RASA3: variants seen among roughly 807,000 people sequenced by gnomAD.
The protein encoded by RASA3 is RAS p21 protein activator 3.
RASA3 carries 73 observed loss-of-function variants against 110.0 expected under a neutral mutation model. That is an observed-to-expected ratio of 0.66 (90% CI 0.55 to 0.81). The LOEUF is 0.81. Among genes scored for constraint, RASA3 ranks in the 30% least tolerant of loss-of-function variants. The pLI, the probability that RASA3 is intolerant of heterozygous loss-of-function variation, is 0.00. For synonymous variants in RASA3, 500 were observed against 451.4 expected, an observed-to-expected ratio of 1.11 and a Z score of -1.37; for missense variants, 976 against 1,113.2, an observed-to-expected ratio of 0.88 and a Z score of 1.75.
Position 114,027,448 on chromosome 13 carries a change from T to C in RASA3, c.544A>G (p.Lys182Glu). 6.2e-7 allele frequency: 1 copy of C among 1,612,336 alleles called. No individual in the cohort carries two copies. The highest frequency in any genetic ancestry group is 1.1e-5 in the South Asian group (1 of 91,024). The change falls in exon 7 of 24, where the codon AAG becomes GAG. Residue 182 changes from lysine (K) to glutamate (E), a missense_variant. Transcript: ENST00000334062. ...LAGPFRSEAK[K>E]TKVKRKTNNP... Reference sequence around the variant, plus strand: ...TTGGTCTTCCTCTTCACTTTCGTCTTCTTTGCTTCTGATCTGTTATCAAGT... The same window carrying C: ...TTGGTCTTCCTCTTCACTTTCGTCTCCTTTGCTTCTGATCTGTTATCAAGT...
At chr13:113,981,413 AAGC>A (rs1464457017) in intron 23 of RASA3, among the ~76,000 whole-genome samples, 1 of 152,168 alleles carries the variant, frequency 6.6e-6, no homozygotes. Flanking sequence ...GGCTGGGAGG[AAGC>A]AGGTCAGGGA....
At chr13:114,027,280 G>T in intron 7 of RASA3, 109 bp downstream of exon 7, 1 of 1,017,408 alleles carries the variant, frequency 9.8e-7, no homozygotes, top group Non-Finnish European at 1.5e-6. Flanking sequence ...CTCCTCTCCG[G>T]AAGGAACTTC....
chr13:114,103,221 C>T (rs546484084), intron 1 of RASA3, among the ~76,000 whole-genome samples: 6 of 152,286 alleles, frequency 3.9e-5, no homozygotes, highest in African/African-American at 9.6e-5. Flanking sequence ...TGTGCACATT[C>T]GCCCTACCCC....
intron 1 of RASA3, among the ~76,000 whole-genome samples, chr13:114,131,639 G>A (rs1311517509): frequency 6.6e-6 from 1 of 152,228 alleles, no homozygotes; most frequent in Non-Finnish European, 1.5e-5. Flanking sequence ...CAGTGGAAAG[G>A]GACGTGGTGC....
At chr13:113,991,064 A>T (rs35985192) in intron 22 of RASA3, among the ~76,000 whole-genome samples, 1 of 61,966 alleles carries the variant, frequency 1.6e-5, no homozygotes, top group African/African-American at 1.1e-4. Flanking sequence ...CACCCAGGGC[A>T]TGTGGGGCTG....
rs544129523 is a variant in RASA3 at position 114,043,837 on chromosome 13, G to GCCCCCCCGCCCCGCCTCACTCGCTGAGCC, written c.278-2744_278-2743insGGCTCAGCGAGTGAGGCGGGGCGGGGGGG. ...CCGCCTGGCCCACCTCACTCGCTGA[G>GCCCCCCCGCCCCGCCTCACTCGCTGAGCC]CCCCCCGCCCCGCCTCACTCGCTGA... is the stretch of plus-strand genomic sequence containing the variant. On this transcript the variant is annotated intron_variant, in intron 3 of 23. Transcript: ENST00000334062. Among the ~76,000 whole-genome samples the GCCCCCCCGCCCCGCCTCACTCGCTGAGCC allele has an allele frequency of 2.8e-3, 63 of 22,832 alleles. 14 individuals are homozygous for GCCCCCCCGCCCCGCCTCACTCGCTGAGCC. The highest frequency in any genetic ancestry group is 0.015 in the African/African-American group (44 of 2,910). The allele number at this position is 22,832 out of a possible 152,430, so 15.0% of individuals were successfully genotyped here. A position where few individuals can be genotyped will look rare whatever the true frequency, so the allele number is the denominator to read the frequency against.
At position 114,021,467 on chromosome 13, in the gene RASA3, T is replaced by TC; in HGVS notation, c.721dup (p.Glu241GlyfsTer32). 1 of 1,613,980 alleles carries TC rather than the reference T, an allele frequency of 6.2e-7. No homozygotes were observed. Among genetic ancestry groups the TC allele is most frequent in the Non-Finnish European group, 8.5e-7 (1 of 1,180,010 alleles). On this transcript the variant is annotated frameshift_variant, in exon 9 of 24. Coordinates refer to ENST00000334062, the MANE Select transcript of RASA3 (RefSeq NM_007368.4). LOFTEE classifies it high-confidence loss of function. ...CGGGATCCTTAGTTCTCCCAGGAAT[T>TC]CATCTCCAAACTTCAGGTTACTGGC...
chr13:114,056,518 G>A lies in RASA3; in HGVS notation c.174-4363C>T, dbSNP rs1349737087. On this transcript the variant is annotated intron_variant, in intron 2 of 23. Transcript: ENST00000334062. The surrounding 1 kb of genome is among the most constrained non-coding windows in gnomAD (Gnocchi z 5.7). Reference sequence around the variant, plus strand: ...CCTGGGCGCTGCCCGGTAGCGGGGTGTTCAGTTGCTCTGCCAAAGGCTCTG... The same window carrying A: ...CCTGGGCGCTGCCCGGTAGCGGGGTATTCAGTTGCTCTGCCAAAGGCTCTG... The A allele has an allele frequency of 3.0e-6, 3 of 985,090 alleles. No homozygotes were observed. Among genetic ancestry groups the A allele is most frequent in the Admixed American group, 6.2e-5 (1 of 16,244 alleles). 61.0% of individuals were successfully genotyped at this position (985,090 alleles called of 1,614,324 possible). A position where few individuals can be genotyped will look rare whatever the true frequency, so the allele number is the denominator to read the frequency against.
At chr13:113,991,981 G>A (rs982298210) in intron 22 of RASA3, among the ~76,000 whole-genome samples, 14 of 151,386 alleles carry the variant, frequency 9.2e-5, no homozygotes, top group East Asian at 3.9e-4. Context: ...GCACTCACAC[G>A]TGTCCACACA....
intron 1 of RASA3, among the ~76,000 whole-genome samples, chr13:114,098,971 C>G (rs1232348030): frequency 1.3e-5 from 2 of 149,602 alleles, no homozygotes; most frequent in African/African-American, 4.9e-5. Context: ...CCGAGCCCCC[C>G]AGACCACAGC....
rs908490343 is a variant in RASA3 at position 114,115,237 on chromosome 13, C to T, written c.55+17198G>A. 2.0e-5 allele frequency among the ~76,000 whole-genome samples: 3 copies of T among 152,194 alleles called. No homozygotes were observed. Among genetic ancestry groups the T allele is most frequent in the African/African-American group, 4.8e-5 (2 of 41,436 alleles). The stretch of plus-strand genomic sequence containing the variant: ...GTCCAGCGGTAACATGTTTACGGTC[C>T]CTGTGCCGCCGTGCGGTAGCAGTTT... On this transcript the variant is annotated intron_variant, in intron 1 of 23. Coordinates refer to ENST00000334062, the MANE Select transcript of RASA3 (RefSeq NM_007368.4). This position sits in a 1 kb window ranked among gnomAD's most constrained non-coding sequence, Gnocchi z 5.0.
intron 1 of RASA3, among the ~76,000 whole-genome samples, chr13:114,095,917 T>C (rs1401785683): frequency 6.6e-6 from 1 of 152,270 alleles, no homozygotes; most frequent in African/African-American, 2.4e-5. Flanking sequence ...TTGTGTTTAC[T>C]TGACTCAGCA....
At chr13:113,998,516 G>A (rs994006665) in intron 20 of RASA3, among the ~76,000 whole-genome samples, 2 of 152,246 alleles carry the variant, frequency 1.3e-5, no homozygotes, top group African/African-American at 4.8e-5. Context: ...GCTTGTCCCA[G>A]CCAGCATGTG....
At chr13:114,054,162 A>G (rs974719315) in intron 2 of RASA3, among the ~76,000 whole-genome samples, 4 of 152,216 alleles carry the variant, frequency 2.6e-5, no homozygotes, top group Non-Finnish European at 1.5e-5. Flanking sequence ...TAAAAAGTGA[A>G]AAGACAGACT....
chr13:114,128,219 C>T (rs1003961319), intron 1 of RASA3, among the ~76,000 whole-genome samples: 1 of 152,262 alleles, frequency 6.6e-6, no homozygotes, highest in Non-Finnish European at 1.5e-5. Context: ...CAGACAGACA[C>T]GGGGAAAGCC....
Position 113,979,275 on chromosome 13 carries a change from C to T in RASA3, c.*72G>A, listed in dbSNP as rs993303538. The T allele has an allele frequency of 4.3e-6, 6 of 1,408,412 alleles. No individual in the cohort carries two copies. The African/African-American group carries it at 7.1e-5, about 17-fold the overall frequency. 87.2% of individuals were successfully genotyped at this position (1,408,412 alleles called of 1,614,324 possible). A position where few individuals can be genotyped will look rare whatever the true frequency, so the allele number is the denominator to read the frequency against. On this transcript the variant is annotated 3_prime_UTR_variant, in exon 24 of 24. Coordinates refer to ENST00000334062, the MANE Select transcript of RASA3 (RefSeq NM_007368.4). ...CTTTGCCGGCTCTGCGCTCTTCCTT[C>T]TCTTCTCCCTCCCAAAGGCTGCGGC...
At chr13:114,047,142 T>TG (rs1285817458) in intron 3 of RASA3, among the ~76,000 whole-genome samples, 2 of 152,256 alleles carry the variant, frequency 1.3e-5, no homozygotes, top group Non-Finnish European at 2.9e-5. Flanking sequence ...AGCCACAAAC[T>TG]GGAAGAAAAT....
intron 4 of RASA3, 87 bp from the exon 5 acceptor site, chr13:114,029,974 G>T (rs1005129496): frequency 1.7e-4 from 222 of 1,275,780 alleles, no homozygotes; most frequent in Admixed American, 2.2e-4. Context: ...AGCCTAGAGG[G>T]CAAAGGGAGC....
At chr13:114,100,311 TCAGAGCTTCGGC>T (rs2080040193) in intron 1 of RASA3, among the ~76,000 whole-genome samples, 1 of 152,030 alleles carries the variant, frequency 6.6e-6, no homozygotes, top group Non-Finnish European at 1.5e-5. Flanking sequence ...TGGGGCACCC[TCAGAGCTTCGGC>T]CATGGGGTGC....
Sources: gnomAD v4.1 joint callset for allele counts (sites outside exome capture counted in the v4.1 genomes callset) on GRCh38, gnomAD v4.1.1 for gene constraint, Gnocchi (gnomAD v3.1) non-coding constraint, MANE v1.5 for transcripts, NCBI Gene and HGNC (gene_info 2026-07-23, HGNC 2026-07-21) for gene names.